The following MECOM variants were observed in gnomAD, a reference collection of about 807,000 sequenced individuals.
MECOM encodes MDS1 and EVI1 complex locus, also known as histone-lysine N-methyltransferase MECOM.
MECOM carries 13 observed loss-of-function variants against 116.3 expected under a neutral mutation model. That is an observed-to-expected ratio of 0.11 (90% confidence interval 0.07 to 0.18). The LOEUF (loss-of-function observed/expected upper bound fraction) is 0.18, where lower values mean the gene tolerates loss of function less well. Ranked by LOEUF, MECOM falls within the 10% of genes least tolerant of loss-of-function variation. The probability of loss-of-function intolerance (pLI) is 1.00; values close to 1 mark genes in which losing one functional copy is unlikely to be tolerated. For missense variants in MECOM, 1,299 were observed against 1,509.0 expected, an observed-to-expected ratio of 0.86 and a Z score of 2.31; for synonymous variants, 528 against 535.2, an observed-to-expected ratio of 0.99 and a Z score of 0.19.
chr3:169,140,044 C>G (rs1737632525), intron 3 of MECOM, among the ~76,000 whole-genome samples: 1 of 126,644 alleles, frequency 7.9e-6, no homozygotes, highest in African/African-American at 3.3e-5. Flanking sequence ...TAAATGAAAC[C>G]TCTGAATAAT....
intron 1 of MECOM, among the ~76,000 whole-genome samples, chr3:169,662,941 CCCGCCTG>C (rs1027229173): frequency 1.3e-5 from 2 of 151,876 alleles, no homozygotes; most frequent in Non-Finnish European, 2.9e-5. Flanking sequence ...GCAACTCTCC[CCCGCCTG>C]GGGGGAAGGG....
At chr3:169,268,986 A>C (rs1758620410) in intron 2 of MECOM, 1 of 152,192 alleles carries the variant, frequency 6.6e-6, no homozygotes, top group South Asian at 2.1e-4. Context: ...TATCCTGGTA[A>C]GATGAAAGGT....
chr3:169,517,124 C>T (rs561930825), intron 1 of MECOM, among the ~76,000 whole-genome samples: 1 of 152,198 alleles, frequency 6.6e-6, no homozygotes, highest in Admixed American at 6.5e-5. Context: ...ACAACAACAA[C>T]AACAAAAAGC....
chr3:169,362,199 T>C (rs879436049), intron 2 of MECOM, among the ~76,000 whole-genome samples: 1 of 151,920 alleles, frequency 6.6e-6, no homozygotes, highest in Non-Finnish European at 1.5e-5. Context: ...GGAGGTTTTG[T>C]TTATTGTTGT....
intron 1 of MECOM, among the ~76,000 whole-genome samples, chr3:169,496,557 A>C (rs1753843620): frequency 6.6e-6 from 1 of 152,222 alleles, no homozygotes; most frequent in African/African-American, 2.4e-5. Flanking sequence ...GGTTATCGGC[A>C]AGCCACTGCT....
intron 2 of MECOM, among the ~76,000 whole-genome samples, chr3:169,356,927 C>T (rs545118493): frequency 5.6e-4 from 85 of 151,972 alleles, no homozygotes; most frequent in East Asian, 1.6e-3. Flanking sequence ...TAATTCCCCA[C>T]GCTAAGGCAA....
chr3:169,241,212 A>C (rs2149550114), intron 2 of MECOM, among the ~76,000 whole-genome samples: 1 of 152,224 alleles, frequency 6.6e-6, no homozygotes, highest in South Asian at 2.1e-4. Context: ...ATAAGCGTTC[A>C]ATCTTCTCAC....
Position 169,116,238 on chromosome 3 carries a change from A to G in MECOM, c.1634T>C (p.Leu545Pro). The G allele has an allele frequency of 6.2e-7, 1 of 1,614,172 alleles. No individual in the cohort carries two copies. ...GTCCCCTACAGATGGGTGTTTAGAT[A>G]GTGCCTTCAAAATATCCTGTGTAGC... ...LPATQDILKALSKHPSVGDNK... is the reference protein window; with the variant it reads ...LPATQDILKAPSKHPSVGDNK... Residue 545 changes from leucine (L) to proline (P), a missense_variant, in exon 8 of 17, where the codon CTA (leucine) becomes CCA (proline). By Grantham distance (98) the Leu-to-Pro change is moderately conservative. Coordinates refer to ENST00000651503, the MANE Select transcript of MECOM (RefSeq NM_004991.4).
intron 2 of MECOM, among the ~76,000 whole-genome samples, chr3:169,370,224 T>C (rs540743131): frequency 6.6e-6 from 1 of 152,054 alleles, no homozygotes; most frequent in South Asian, 2.1e-4. Flanking sequence ...GCCACACATA[T>C]ACAGCCAACT....
At chr3:169,293,005 A>G (rs993954713) in intron 2 of MECOM, among the ~76,000 whole-genome samples, 1 of 152,144 alleles carries the variant, frequency 6.6e-6, no homozygotes, top group Non-Finnish European at 1.5e-5. Flanking sequence ...CAGTGAGATG[A>G]AGTGACTTAT....
intron 1 of MECOM, among the ~76,000 whole-genome samples, chr3:169,494,135 C>T (rs1397317409): frequency 3.3e-5 from 5 of 151,856 alleles, no homozygotes; most frequent in African/African-American, 4.8e-5. Context: ...GTCTTCTCTG[C>T]TTGCCTTGTG....
intron 16 of MECOM, among the ~76,000 whole-genome samples, chr3:169,085,480 A>G (rs1196043929): frequency 6.6e-6 from 1 of 152,198 alleles, no homozygotes; most frequent in Non-Finnish European, 1.5e-5. Context: ...TGACTCCTAC[A>G]CTTTATAACC....
chr3:169,167,973 C>T (rs906423121), intron 2 of MECOM, among the ~76,000 whole-genome samples: 1 of 133,882 alleles, frequency 7.5e-6, no homozygotes, highest in Non-Finnish European at 1.7e-5. Flanking sequence ...AAACATTCTT[C>T]TACATCCATG....
chr3:169,537,545 G>A (rs926416170), intron 1 of MECOM, among the ~76,000 whole-genome samples: 4 of 152,034 alleles, frequency 2.6e-5, no homozygotes, highest in African/African-American at 9.7e-5. Context: ...TGTTAGTGAG[G>A]TTCCCCCTCA....
chr3:169,142,616 A>T (rs1738475443), intron 3 of MECOM, among the ~76,000 whole-genome samples: 1 of 151,974 alleles, frequency 6.6e-6, no homozygotes, highest in Non-Finnish European at 1.5e-5. Context: ...TATATGTTGA[A>T]GATTTTTAAA....
chr3:169,146,913 A>G (rs1032837848), intron 2 of MECOM: 2 of 1,028,894 alleles, frequency 1.9e-6, no homozygotes, highest in African/African-American at 1.7e-5. Context: ...CGATTTCCAA[A>G]TGGGTCTCTG....
intron 1 of MECOM, among the ~76,000 whole-genome samples, chr3:169,417,662 T>C (rs1738902429): frequency 6.6e-6 from 1 of 151,688 alleles, no homozygotes; most frequent in South Asian, 2.1e-4. Flanking sequence ...TGCACACGTA[T>C]GTTTATTGCG....
At chr3:169,109,043 G>T (rs1165037995) in intron 9 of MECOM, among the ~76,000 whole-genome samples, 1 of 152,158 alleles carries the variant, frequency 6.6e-6, no homozygotes, top group Non-Finnish European at 1.5e-5. Context: ...TAGTGTAATT[G>T]CAAAATGACT....
intron 2 of MECOM, among the ~76,000 whole-genome samples, chr3:169,327,550 ATTGC>A (rs1348618222): frequency 6.7e-6 from 1 of 149,380 alleles, no homozygotes; most frequent in East Asian, 2.0e-4. Context: ...AGGCGGGAGA[ATTGC>A]TTGAAGCCAG....
Sources: gnomAD v4.1 joint callset for allele counts (sites outside exome capture counted in the v4.1 genomes callset) on GRCh38, gnomAD v4.1.1 for gene constraint, MANE v1.5 for transcripts, NCBI Gene and HGNC (gene_info 2026-07-23, HGNC 2026-07-21) for gene names.